MALRD1: variants seen among roughly 807,000 people sequenced by gnomAD.
MALRD1 encodes MAM and LDL-receptor class A domain-containing protein 1.
In MALRD1, 247 loss-of-function variants were observed where a neutral mutation model predicts 242.1. That is an observed-to-expected ratio of 1.02 (90% CI 0.92 to 1.13). The LOEUF (loss-of-function observed/expected upper bound fraction) is 1.13, where lower values mean the gene tolerates loss of function less well. Among genes scored for constraint, MALRD1 ranks in the 50% most tolerant of loss-of-function variants. MALRD1 has a pLI of 0.00. For synonymous variants in MALRD1, 995 were observed against 866.6 expected, an observed-to-expected ratio of 1.15 and a Z score of -2.60; for missense variants, 2,989 against 2,533.1, an observed-to-expected ratio of 1.18 and a Z score of -3.86.
intron 38 of MALRD1, among the ~76,000 whole-genome samples, chr10:19,709,248 A>G (rs1834002313): frequency 2.6e-5 from 1 of 39,158 alleles, no homozygotes; most frequent in Admixed American, 3.1e-4. Flanking sequence ...TGTACTAAAA[A>G]AAAAAAAAAA....
At chr10:19,408,326 T>A (rs2130875558) in intron 28 of MALRD1, among the ~76,000 whole-genome samples, 1 of 152,276 alleles carries the variant, frequency 6.6e-6, no homozygotes, top group South Asian at 2.1e-4. Flanking sequence ...TCTATGGGCA[T>A]CTGGCTTGTT....
intron 32 of MALRD1, among the ~76,000 whole-genome samples, chr10:19,562,067 G>A (rs1176795512): frequency 6.6e-6 from 1 of 152,190 alleles, no homozygotes; most frequent in African/African-American, 2.4e-5. Flanking sequence ...GCAGGCCAAG[G>A]TGGGTGGATC....
At chr10:19,665,299 G>C (rs1253662847) in intron 36 of MALRD1, among the ~76,000 whole-genome samples, 1 of 152,102 alleles carries the variant, frequency 6.6e-6, no homozygotes, top group African/African-American at 2.4e-5. Context: ...GTGGTGGAAA[G>C]TTGTGGGACA....
At chr10:19,242,456 G>A (rs1323559493) in intron 18 of MALRD1, among the ~76,000 whole-genome samples, 4 of 152,040 alleles carry the variant, frequency 2.6e-5, no homozygotes, top group Non-Finnish European at 5.9e-5. Flanking sequence ...GGTATAGTTT[G>A]AGTCTGTCAT....
chr10:19,211,202 G>A (rs759064350), intron 18 of MALRD1, among the ~76,000 whole-genome samples: 16 of 152,158 alleles, frequency 1.1e-4, no homozygotes, highest in Admixed American at 2.0e-4. Context: ...ATCGACGTGG[G>A]ACTAACCAAG....
At chr10:19,585,378 T>C (rs6481984) in intron 33 of MALRD1, among the ~76,000 whole-genome samples, 78,825 of 151,796 alleles carry the variant, frequency 0.52, 20,671 homozygotes, top group African/African-American at 0.56. Context: ...TGTTCCTTTC[T>C]GTGTTTAGCG....
intron 21 of MALRD1, among the ~76,000 whole-genome samples, chr10:19,285,552 C>T (rs1334076483): frequency 6.6e-6 from 1 of 151,848 alleles, no homozygotes; most frequent in Non-Finnish European, 1.5e-5. Flanking sequence ...CGTCAAAGAT[C>T]ACATAGTTGT....
chr10:19,246,317 C>T (rs1029790739), intron 18 of MALRD1, among the ~76,000 whole-genome samples: 2 of 152,124 alleles, frequency 1.3e-5, no homozygotes, highest in Non-Finnish European at 2.9e-5. Context: ...TATTAAGTAA[C>T]TGGCATTTTG....
At chr10:19,387,378 G>A (rs923685651) in intron 26 of MALRD1, 150 bp from the exon 27 acceptor site, 3 of 798,614 alleles carry the variant, frequency 3.8e-6, no homozygotes, top group East Asian at 5.7e-5. Context: ...AGCAGAGTGG[G>A]AGAGAGAGAG....
intron 29 of MALRD1, among the ~76,000 whole-genome samples, chr10:19,456,490 C>T (rs1000300873): frequency 1.3e-5 from 2 of 152,070 alleles, no homozygotes; most frequent in African/African-American, 4.8e-5. Context: ...CTTGGGAGAT[C>T]ACAAAACAGT....
intron 32 of MALRD1, among the ~76,000 whole-genome samples, chr10:19,557,328 G>C (rs1352328890): frequency 2.0e-5 from 3 of 151,912 alleles, no homozygotes; most frequent in Non-Finnish European, 4.4e-5. Flanking sequence ...TATGGTTCCT[G>C]GTTTTGGCAA....
At chr10:19,682,598 G>A (rs1842418255) in intron 36 of MALRD1, among the ~76,000 whole-genome samples, 1 of 152,130 alleles carries the variant, frequency 6.6e-6, no homozygotes, top group Non-Finnish European at 1.5e-5. Flanking sequence ...AATTAGATGT[G>A]GAAGAAATTA....
chr10:19,255,601 T>A (rs1005801756), intron 18 of MALRD1, among the ~76,000 whole-genome samples: 15 of 152,064 alleles, frequency 9.9e-5, no homozygotes, highest in African/African-American at 3.6e-4. Flanking sequence ...AGATTGAGAC[T>A]ATCATACAAA....
chr10:19,354,612 G>A (rs1014050252), intron 26 of MALRD1, among the ~76,000 whole-genome samples: 1 of 151,890 alleles, frequency 6.6e-6, no homozygotes, highest in African/African-American at 2.4e-5. Flanking sequence ...ATGTGAGTGA[G>A]AACACGTGAT....
At chr10:19,712,175 G>T (rs1374812563) in intron 38 of MALRD1, among the ~76,000 whole-genome samples, 1 of 152,140 alleles carries the variant, frequency 6.6e-6, no homozygotes, top group East Asian at 1.9e-4. Context: ...CTTCAGAATT[G>T]CATGGTTACT....
rs1222295511 is a variant in MALRD1 at position 19,589,351 on chromosome 10, A to G, written c.5681-5843A>G. Among the ~76,000 whole-genome samples, 4 of 152,324 alleles carry G rather than the reference A, an allele frequency of 2.6e-5. No individual in the cohort carries two copies. The Middle Eastern group carries it at 0.014, about 518-fold the overall frequency. Reference sequence around the variant, plus strand: ...CACACCCTTGTTCCTTACTGAAGGAAGCATATTTGGTGGCATGCAAGTGAA... The same window carrying G: ...CACACCCTTGTTCCTTACTGAAGGAGGCATATTTGGTGGCATGCAAGTGAA... On this transcript the variant is annotated intron_variant, in intron 33 of 39. Coordinates refer to ENST00000454679, the MANE Select transcript of MALRD1 (RefSeq NM_001142308.3).
intron 32 of MALRD1, among the ~76,000 whole-genome samples, chr10:19,544,733 G>C (rs1183025108): frequency 1.3e-5 from 2 of 152,012 alleles, no homozygotes; most frequent in Non-Finnish European, 2.9e-5. Context: ...AAATTGTCTG[G>C]AACTAAAGTG....
intron 21 of MALRD1, among the ~76,000 whole-genome samples, chr10:19,319,170 A>G (rs1359599093): frequency 1.3e-5 from 2 of 152,002 alleles, no homozygotes; most frequent in African/African-American, 4.8e-5. Context: ...TCTTTTTTTC[A>G]GTATTTTCCT....
intron 26 of MALRD1, among the ~76,000 whole-genome samples, chr10:19,375,889 C>G (rs761395389): frequency 1.4e-4 from 21 of 152,146 alleles, no homozygotes; most frequent in Admixed American, 3.3e-4. Context: ...TTTGGGAGGC[C>G]GAAGCAGGTG....
Sources: gnomAD v4.1 joint callset for allele counts (sites outside exome capture counted in the v4.1 genomes callset) on GRCh38, gnomAD v4.1.1 for gene constraint, MANE v1.5 for transcripts, NCBI Gene and HGNC (gene_info 2026-07-23, HGNC 2026-07-21) for gene names.